Variants in DGKG observed in about 807,000 individuals in gnomAD.
DGKG encodes the protein diacylglycerol kinase gamma.
In DGKG, 78 loss-of-function variants were observed where a neutral mutation model predicts 105.3. The ratio of observed to expected loss-of-function variants is 0.74; its 90% CI spans 0.62 to 0.89. DGKG has a LOEUF of 0.89. DGKG is among the 40% of genes least tolerant of loss of function. DGKG has a pLI of 0.00. For synonymous variants in DGKG, 346 were observed against 367.1 expected (o/e 0.94, Z 0.66); for missense variants, 958 against 1,020.1 (o/e 0.94, Z 0.83).
At chr3:186,173,430 A>T (rs1262609411) in intron 22 of DGKG, among the ~76,000 whole-genome samples, 1 of 152,244 alleles carries the variant, frequency 6.6e-6, no homozygotes, top group African/African-American at 2.4e-5. Context: ...GAAAGAAAAG[A>T]CACAAGCCCA....
At chr3:186,223,419 G>A (rs1416831509) in intron 20 of DGKG, among the ~76,000 whole-genome samples, 2 of 152,038 alleles carry the variant, frequency 1.3e-5, no homozygotes, top group African/African-American at 4.8e-5. Context: ...TGTTTCCTGT[G>A]CCTTCCCCAC....
At chr3:186,261,112 A>C (rs1282913210) in intron 15 of DGKG, among the ~76,000 whole-genome samples, 2 of 152,178 alleles carry the variant, frequency 1.3e-5, no homozygotes, top group African/African-American at 4.8e-5. Flanking sequence ...GGGGGTCCTC[A>C]TAGTTCTTGC....
Position 186,265,657 on chromosome 3 carries a change from CTTTTTTTTTTTTTTT to C in DGKG, c.1210-366_1210-352del, listed in dbSNP as rs68014632. On this transcript the variant is annotated intron_variant, in intron 13 of 24. Transcript: ENST00000265022. Reference sequence around the variant, plus strand: ...TTGGCGACTTGGCTTTTCTTCCTTTCTTTTTTTTTTTTTTTTTTTTTTTTGAGACGGAGTCTCGCT... The same window carrying C: ...TTGGCGACTTGGCTTTTCTTCCTTTCTTTTTTTTTGAGACGGAGTCTCGCT... 5.2e-5 allele frequency among the ~76,000 whole-genome samples: 4 copies of C among 77,378 alleles called. No homozygotes were observed. The East Asian group carries it at 1.4e-3, about 26-fold the overall frequency. 50.8% of individuals were successfully genotyped at this position (77,378 alleles called of 152,430 possible). A position where few individuals can be genotyped will look rare whatever the true frequency, so the allele number is the denominator to read the frequency against.
chr3:186,301,251 T>C (rs1723906276), intron 3 of DGKG, among the ~76,000 whole-genome samples: 1 of 152,214 alleles, frequency 6.6e-6, no homozygotes, highest in African/African-American at 2.4e-5. Context: ...TGTCCATCTG[T>C]TGGTCCTCCC....
intron 20 of DGKG, among the ~76,000 whole-genome samples, chr3:186,223,708 C>G (rs1461330401): frequency 1.3e-5 from 2 of 152,170 alleles, no homozygotes; most frequent in African/African-American, 2.4e-5. Flanking sequence ...CTATTTCATC[C>G]TTTTGAAAAT....
At chr3:186,262,866 C>T (rs1451777222) in intron 14 of DGKG, among the ~76,000 whole-genome samples, 1 of 152,164 alleles carries the variant, frequency 6.6e-6, no homozygotes, top group Admixed American at 6.5e-5. Context: ...TGATCACTCA[C>T]GCCTATAATC....
chr3:186,194,735 T>TTTCTTGGG (rs1560089391), intron 21 of DGKG, among the ~76,000 whole-genome samples: 1 of 148,832 alleles, frequency 6.7e-6, no homozygotes, highest in East Asian at 2.0e-4. Context: ...GAATTTTCTC[T>TTTCTTGGG]TTCTTGGGTA....
chr3:186,313,186 G>A (rs949690116), intron 2 of DGKG, among the ~76,000 whole-genome samples: 3 of 152,176 alleles, frequency 2.0e-5, no homozygotes, highest in African/African-American at 7.2e-5. Flanking sequence ...TACAAACTGT[G>A]ATTAAATGAT....
chr3:186,260,051 TGACA>T (rs142155416), intron 16 of DGKG, among the ~76,000 whole-genome samples: 2,114 of 152,344 alleles, frequency 0.014, 16 homozygotes, highest in Middle Eastern at 0.02. Flanking sequence ...AACTGCTGAC[TGACA>T]ATGATAAGAA....
intron 21 of DGKG, 146 bp from the exon 22 acceptor site, chr3:186,188,525 G>C (rs1560086824): frequency 1.2e-6 from 1 of 809,850 alleles, no homozygotes; most frequent in African/African-American, 1.7e-5. Context: ...ACTGTCAGAA[G>C]AGAAATCATG....
intron 3 of DGKG, among the ~76,000 whole-genome samples, chr3:186,298,878 G>T (rs1203065168): frequency 6.6e-6 from 1 of 152,198 alleles, no homozygotes; most frequent in African/African-American, 2.4e-5. Flanking sequence ...GTGGGTGTGT[G>T]TTTCTGGCTC....
rs371413525 is a variant in DGKG at position 186,156,594 on chromosome 3, T to C, written c.2277+5009A>G. Among the ~76,000 whole-genome samples, 322 of 152,204 alleles carry C rather than the reference T, an allele frequency of 2.1e-3. 3 individuals are homozygous for C. Among genetic ancestry groups the C allele is most frequent in the African/African-American group, 7.5e-3 (310 of 41,566 alleles). On this transcript the variant is annotated intron_variant, in intron 24 of 24. Coordinates refer to ENST00000265022, the MANE Select transcript of DGKG (RefSeq NM_001346.3). ...CTAGAAATTGCATTGTTTGTAGAGT[T>C]AAAGAAACAATTGCATTGGGATTTT...
intron 17 of DGKG, 138 bp from the exon 18 acceptor site, chr3:186,253,320 C>A: frequency 1.5e-6 from 1 of 684,802 alleles, no homozygotes; most frequent in Non-Finnish European, 2.6e-6. Context: ...GGGAAACACA[C>A]TACTTCCTAA....
chr3:186,257,912 G>A lies in DGKG; in HGVS notation c.1452C>T (p.Asp484=). ...CTCCACCACAGGCCAAAACACGGAA[G>A]TCTGGAGTATCACGGAAAAAGTTCA... ...PGLNFFRDTP[D]FRVLACGGDG... The change falls in exon 17 of 25, where the codon GAC becomes GAT. Residue 484 remains aspartate, a synonymous_variant. Coordinates refer to ENST00000265022, the MANE Select transcript of DGKG (RefSeq NM_001346.3). The A allele has an allele frequency of 6.2e-7, 1 of 1,614,134 alleles. No individual in the cohort carries two copies. The highest frequency in any genetic ancestry group is 8.5e-7 in the Non-Finnish European group (1 of 1,179,996).
chr3:186,233,603 C>T (rs1161449796), intron 20 of DGKG, among the ~76,000 whole-genome samples: 1 of 152,174 alleles, frequency 6.6e-6, no homozygotes, highest in Non-Finnish European at 1.5e-5. Context: ...CCTCAGCCTC[C>T]CGAGTAGCTG....
At chr3:186,247,858 A>G (rs1348582079) in intron 19 of DGKG, among the ~76,000 whole-genome samples, 1 of 152,226 alleles carries the variant, frequency 6.6e-6, no homozygotes, top group Non-Finnish European at 1.5e-5. Context: ...TTGGATTATT[A>G]TAAGTCAGCC....
chr3:186,187,831 C>A (rs1196831884), intron 22 of DGKG, among the ~76,000 whole-genome samples: 1 of 152,136 alleles, frequency 6.6e-6, no homozygotes, highest in Admixed American at 6.5e-5. Flanking sequence ...GTGGACCAAG[C>A]GTTTCCAGGA....
intron 21 of DGKG, among the ~76,000 whole-genome samples, chr3:186,205,257 CAA>C (rs71164580): frequency 0.2 from 14,478 of 72,512 alleles, 652 homozygotes; most frequent in Middle Eastern, 0.31. Flanking sequence ...AACTCCTTCT[CAA>C]AAAAAAAAAA....
At chr3:186,252,891 A>G (rs888997707) in intron 18 of DGKG, among the ~76,000 whole-genome samples, 2 of 152,224 alleles carry the variant, frequency 1.3e-5, no homozygotes, top group Admixed American at 1.3e-4. Context: ...AAGCTCCCAG[A>G]GCCCAGAAGA....
Sources: allele counts gnomAD v4.1 joint callset (sites outside exome capture counted in the v4.1 genomes callset), GRCh38; gene constraint gnomAD v4.1.1; transcripts MANE v1.5; gene names NCBI Gene and HGNC (gene_info 2026-07-23, HGNC 2026-07-21).